The following NKX2-2 variants were observed in gnomAD, a reference collection of about 807,000 sequenced individuals.
NKX2-2 encodes the protein homeobox protein Nkx-2.2.
In NKX2-2, 8 loss-of-function variants were observed where a neutral mutation model predicts 24.6. The observed-to-expected ratio is 0.32, with a 90% CI of 0.19 to 0.59. NKX2-2 has a LOEUF of 0.59. NKX2-2 is among the 20% of genes least tolerant of loss of function. The pLI is 0.86. For missense variants in NKX2-2, 381 were observed against 373.9 expected (o/e 1.02, Z -0.16); for synonymous variants, 217 against 173.3 (o/e 1.25, Z -1.98).
chr20:21,514,369 C>A (rs911044421), upstream of NKX2-2, among the ~76,000 whole-genome samples: 7 of 150,830 alleles, frequency 4.6e-5, no homozygotes, highest in African/African-American at 1.7e-4. Context: ...AGAGGTGTAA[C>A]GTGTCAATTA....
At chr20:21,514,632 C>G (rs1331273829), upstream of NKX2-2, among the ~76,000 whole-genome samples, 3 of 152,120 alleles carry the variant, frequency 2.0e-5, no homozygotes, top group Non-Finnish European at 2.9e-5. Flanking sequence ...GGAAAATTGG[C>G]GATTTGTGGC....
At position 21,512,247 on chromosome 20, in the gene NKX2-2, G is replaced by A; in HGVS notation, c.498C>T (p.Arg166=). Residue 166 remains arginine (R), a synonymous_variant, in exon 2 of 2, where the codon CGC becomes CGT. Transcript: ENST00000377142. Reference sequence around the variant, plus strand: ...AGATCTTGACCTGCGTGGGCGTGAGGCGGATGAGGCTGGCCAGGTGTTCGC... The same window carrying A: ...AGATCTTGACCTGCGTGGGCGTGAGACGGATGAGGCTGGCCAGGTGTTCGC... ...PEREHLASLI[R]LTPTQVKIWF... 6.2e-7 allele frequency: 1 copy of A among 1,614,000 alleles called. No homozygotes were observed.
the NKX2-2 span, among the ~76,000 whole-genome samples, chr20:21,522,448 C>T: frequency 5.9e-5 from 9 of 152,118 alleles, no homozygotes; most frequent in Non-Finnish European, 1.3e-4. Context: ...GCGAGGGCGA[C>T]GCCGGGCTTC....
upstream of NKX2-2, among the ~76,000 whole-genome samples, chr20:21,517,334 C>A (rs187143433): frequency 1.8e-3 from 269 of 152,296 alleles, 5 homozygotes; most frequent in Admixed American, 0.013. Context: ...GGCCTGGGGG[C>A]AGCTGGGCAG....
upstream of NKX2-2, among the ~76,000 whole-genome samples, chr20:21,516,432 A>C (rs1600262890): frequency 3.8e-5 from 5 of 130,584 alleles, no homozygotes; most frequent in South Asian, 2.3e-4. Context: ...TGTCTTTCTC[A>C]GCGCCCCCCC....
In NKX2-2 at chr20:21,512,264, G is replaced by A; in HGVS notation, c.481C>T (p.Leu161=). The A allele has an allele frequency of 2.5e-6, 4 of 1,613,906 alleles. No individual in the cohort carries two copies. In the South Asian group the frequency reaches 4.4e-5, roughly 18 times the overall value. The part of the protein sequence containing the change: ...RYLSAPEREH[L]ASLIRLTPTQ... ...GGCGTGAGGCGGATGAGGCTGGCCA[G>A]GTGTTCGCGCTCGGGCGCCGACAGG... The change falls in exon 2 of 2, where the codon CTG becomes TTG. Residue 161 remains leucine (L), a synonymous_variant. Transcript: ENST00000377142.
chr20:21,518,322 A>C (rs888638267), upstream of NKX2-2, among the ~76,000 whole-genome samples: 12 of 152,180 alleles, frequency 7.9e-5, no homozygotes, highest in East Asian at 2.3e-3. Context: ...GATTCCGTAC[A>C]CATCTCTAGC....
At position 21,511,849 on chromosome 20, in the gene NKX2-2, C is replaced by T; in HGVS notation, c.*74G>A. On this transcript the variant is annotated 3_prime_UTR_variant, in exon 2 of 2. Transcript: ENST00000377142. ...ATAATAATAATAACCACCATAAGGA[C>T]CGAGGCCTCCTCGCCGCCACCGCCG... is the stretch of plus-strand genomic sequence containing the variant. The T allele has an allele frequency of 2.7e-6, 3 of 1,131,270 alleles. No homozygotes were observed. The highest frequency in any genetic ancestry group is 3.7e-6 in the Non-Finnish European group (3 of 800,338). 70.1% of individuals were successfully genotyped at this position (1,131,270 alleles called of 1,614,324 possible). A position where few individuals can be genotyped will look rare whatever the true frequency, so the allele number is the denominator to read the frequency against.
upstream of NKX2-2, among the ~76,000 whole-genome samples, chr20:21,517,536 C>A (rs1209828809): frequency 6.6e-6 from 1 of 152,174 alleles, no homozygotes; most frequent in Non-Finnish European, 1.5e-5. Flanking sequence ...GCTGGGAGGT[C>A]CGTAATTGAA....
chr20:21,520,264 G>T, the NKX2-2 span, among the ~76,000 whole-genome samples: 2 of 152,076 alleles, frequency 1.3e-5, no homozygotes, highest in Non-Finnish European at 1.5e-5. Flanking sequence ...GTCCCCCTGC[G>T]ATTAACTGTG....
chr20:21,521,915 C>G, the NKX2-2 span, among the ~76,000 whole-genome samples: 1 of 152,194 alleles, frequency 6.6e-6, no homozygotes, highest in Non-Finnish European at 1.5e-5. Flanking sequence ...CGCCCTTCCC[C>G]CACCGCGCGC....
At chr20:21,517,896 C>G (rs1980681148), upstream of NKX2-2, among the ~76,000 whole-genome samples, 1 of 152,212 alleles carries the variant, frequency 6.6e-6, no homozygotes, top group Admixed American at 6.5e-5. Flanking sequence ...CCGCTCCCTT[C>G]CCCCTCCGGA....
rs909942064 is a variant in NKX2-2, at chr20:21,511,162, C to T, written c.*761G>A. 4 of 152,666 alleles carry T rather than the reference C, an allele frequency of 2.6e-5. No individual in the cohort carries two copies. Among genetic ancestry groups the T allele is most frequent in the Non-Finnish European group, 5.9e-5 (4 of 68,038 alleles). 9.5% of individuals were successfully genotyped at this position (152,666 alleles called of 1,614,324 possible). ...AAGGCCCGGAGGACAGGGCAGAGGG[C>T]TCCCTGCCTACAGGGTTTTCTTTTC... On this transcript the variant is annotated 3_prime_UTR_variant, in exon 2 of 2. Transcript: ENST00000377142.
In NKX2-2 at chr20:21,512,010, C is replaced by A; in HGVS notation, c.735G>T (p.Met245Ile). Residue 245 changes from methionine to isoleucine, a missense_variant, in exon 2 of 2, where the codon ATG (methionine) becomes ATT (isoleucine). By Grantham distance (10) the Met-to-Ile change is conservative. Transcript: ENST00000377142. ...SAYSAQSLQHMQYNAQYSSAS... is the reference protein window; with the variant it reads ...SAYSAQSLQHIQYNAQYSSAS... Reference sequence around the variant, plus strand: ...CCGAGCTGTACTGGGCGTTGTACTGCATGTGCTGCAGCGACTGCGCGCTGT... The same window carrying A: ...CCGAGCTGTACTGGGCGTTGTACTGAATGTGCTGCAGCGACTGCGCGCTGT... The A allele has an allele frequency of 6.2e-7, 1 of 1,613,498 alleles. No homozygotes were observed. The highest frequency in any genetic ancestry group is 8.5e-7 in the Non-Finnish European group (1 of 1,179,944).
chr20:21,520,469 C>A, the NKX2-2 span, among the ~76,000 whole-genome samples: 1 of 152,172 alleles, frequency 6.6e-6, no homozygotes, highest in Non-Finnish European at 1.5e-5. Context: ...TAAGACCCTG[C>A]GGGCATATGT....
chr20:21,519,110 C>T, the NKX2-2 span, among the ~76,000 whole-genome samples: 1 of 152,242 alleles, frequency 6.6e-6, no homozygotes, highest in Non-Finnish European at 1.5e-5. Context: ...ACACCTCACA[C>T]TCCCCACCCA....
Position 21,511,790 on chromosome 20 carries a change from C to G in NKX2-2, c.*133G>C. 1.4e-6 allele frequency: 1 copy of G among 690,430 alleles called. No homozygotes were observed. The highest frequency in any genetic ancestry group is 2.2e-6 in the Non-Finnish European group (1 of 456,912). The allele number at this position is 690,430 out of a possible 1,614,324, so 42.8% of individuals were successfully genotyped here. A position where few individuals can be genotyped will look rare whatever the true frequency, so the allele number is the denominator to read the frequency against. ...CCTCCCGGCGCCTCCCTAGTGGAGC[C>G]GAGAGTCAACTCGACTCCATAATAA... On this transcript the variant is annotated 3_prime_UTR_variant, in exon 2 of 2. Transcript: ENST00000377142.
In NKX2-2 at chr20:21,512,054, C is replaced by G; in HGVS notation, c.691G>C (p.Gly231Arg). ...QDLAAATFQA[G>R]IPFSAYSAQS... ...GCGCTGTAGGCAGAAAAGGGAATGC[C>G]CGCCTGGAAGGTGGCGGCTGCCAGG... The change falls in exon 2 of 2, where the codon GGC becomes CGC. Residue 231 changes from glycine (G) to arginine (R), a missense_variant. This residue lies in a region of NKX2-2 where 139 missense variants were observed against 121.7 expected (regional missense o/e 1.14). Coordinates refer to ENST00000377142, the MANE Select transcript of NKX2-2 (RefSeq NM_002509.4). The G allele has an allele frequency of 1.2e-6, 2 of 1,613,798 alleles. No homozygotes were observed. Among genetic ancestry groups the G allele is most frequent in the Non-Finnish European group, 1.7e-6 (2 of 1,179,958 alleles).
the NKX2-2 span, among the ~76,000 whole-genome samples, chr20:21,519,208 C>CT: frequency 2.1e-4 from 32 of 152,148 alleles, no homozygotes; most frequent in Admixed American, 1.7e-3. Context: ...ATTTCTTCGT[C>CT]TTTTTTTTGG....
Sources: allele counts gnomAD v4.1 joint callset (sites outside exome capture counted in the v4.1 genomes callset), GRCh38; gene constraint gnomAD v4.1.1; regional missense constraint gnomAD v4.1.1; transcripts MANE v1.5; gene names NCBI Gene and HGNC (gene_info 2026-07-23, HGNC 2026-07-21).